The following PABPC4L variants were observed in gnomAD, a reference collection of about 807,000 sequenced individuals.
PABPC4L encodes the protein poly(A) binding protein cytoplasmic 4 like, also known as polyadenylate-binding protein 4-like.
For synonymous variants in PABPC4L, 169 were observed against 164.1 expected (o/e 1.03, Z -0.23); for missense variants, 452 against 451.4 (o/e 1.00, Z -0.01).
At chr4:134,164,581 C>T in the PABPC4L span, among the ~76,000 whole-genome samples, 3 of 152,020 alleles carry the variant, frequency 2.0e-5, no homozygotes, top group African/African-American at 7.2e-5. Flanking sequence ...TGTGAAAGAT[C>T]ATTACAAGGA....
chr4:134,199,911 T>C lies in PABPC4L; in HGVS notation c.1109A>G (p.His370Arg), dbSNP rs11099273. The change falls in exon 2 of 2, where the codon CAC (histidine) becomes CGC (arginine). Residue 370 changes from histidine to arginine, a missense_variant. Physicochemically the swap from His to Arg is conservative, Grantham distance 29 (BLOSUM62 0). Coordinates refer to ENST00000421491, the MANE Select transcript of PABPC4L (RefSeq NM_001114734.2). ...KPLSIALAQRH is the reference protein window; with the variant it reads ...KPLSIALAQRR Reference sequence around the variant, plus strand: ...GGAAAGGTACGTTTTTCTTTCCTAGTGTCTCTGGGCCAAGGCAATGCTAAG... The same window carrying C: ...GGAAAGGTACGTTTTTCTTTCCTAGCGTCTCTGGGCCAAGGCAATGCTAAG... 2 of 1,550,742 alleles carry C rather than the reference T, an allele frequency of 1.3e-6. No homozygotes were observed. Among genetic ancestry groups the C allele is most frequent in the Non-Finnish European group, 1.7e-6 (2 of 1,146,738 alleles).
At chr4:134,162,422 C>T in the PABPC4L span, among the ~76,000 whole-genome samples, 3,411 of 152,084 alleles carry the variant, frequency 0.022, 130 homozygotes, top group African/African-American at 0.078. Flanking sequence ...TAATAGGGGA[C>T]ATCAACACTC....
At chr4:134,087,130 C>T in the PABPC4L span, among the ~76,000 whole-genome samples, 85 of 152,124 alleles carry the variant, frequency 5.6e-4, no homozygotes, top group Admixed American at 4.6e-3. Context: ...CACATGCACA[C>T]GTATGTTTAT....
the PABPC4L span, among the ~76,000 whole-genome samples, chr4:133,949,336 G>A: frequency 6.6e-6 from 1 of 152,072 alleles, no homozygotes; most frequent in East Asian, 1.9e-4. Flanking sequence ...TCAAACTTTA[G>A]GGTCTCAGGG....
chr4:134,121,531 T>G, the PABPC4L span, among the ~76,000 whole-genome samples: 1 of 151,720 alleles, frequency 6.6e-6, no homozygotes. Context: ...ACTACTTTAT[T>G]AGAAGCTATC....
At chr4:134,174,713 C>T in the PABPC4L span, among the ~76,000 whole-genome samples, 1 of 152,114 alleles carries the variant, frequency 6.6e-6, no homozygotes. Context: ...GCATTATCTA[C>T]GTAAGTATTC....
chr4:134,051,110 A>C, the PABPC4L span, among the ~76,000 whole-genome samples: 1 of 152,180 alleles, frequency 6.6e-6, no homozygotes, highest in Non-Finnish European at 1.5e-5. Flanking sequence ...AGTTGATAAC[A>C]ACATGCTATC....
the PABPC4L span, among the ~76,000 whole-genome samples, chr4:134,079,701 G>C: frequency 6.6e-6 from 1 of 150,456 alleles, no homozygotes; most frequent in Non-Finnish European, 1.5e-5. Flanking sequence ...GTGTGTGAGA[G>C]AGAGAGAGAG....
At chr4:134,190,950 C>A in the PABPC4L span, among the ~76,000 whole-genome samples, 14 of 152,198 alleles carry the variant, frequency 9.2e-5, no homozygotes, top group African/African-American at 3.4e-4. Flanking sequence ...CTGCACTCAG[C>A]CTCAATTCAA....
chr4:133,955,784 G>T, the PABPC4L span, among the ~76,000 whole-genome samples: 1 of 152,196 alleles, frequency 6.6e-6, no homozygotes, highest in South Asian at 2.1e-4. Context: ...TGTATTTTTA[G>T]GACACAAAGA....
the PABPC4L span, among the ~76,000 whole-genome samples, chr4:133,970,393 A>T: frequency 2.0e-4 from 30 of 152,118 alleles, no homozygotes; most frequent in African/African-American, 7.0e-4. Context: ...ATCCACAATT[A>T]TATCTTAAAA....
chr4:134,084,319 T>A, the PABPC4L span, among the ~76,000 whole-genome samples: 2 of 152,134 alleles, frequency 1.3e-5, no homozygotes, highest in African/African-American at 4.8e-5. Flanking sequence ...GGTGCTGGGT[T>A]ACAGATGTCA....
chr4:134,096,983 A>G, the PABPC4L span, among the ~76,000 whole-genome samples: 11,187 of 151,986 alleles, frequency 0.074, 546 homozygotes, highest in South Asian at 0.12. Flanking sequence ...ATGGATGCTT[A>G]AAACATCAGA....
At chr4:133,949,615 T>C in the PABPC4L span, among the ~76,000 whole-genome samples, 1 of 152,138 alleles carries the variant, frequency 6.6e-6, no homozygotes, top group African/African-American at 2.4e-5. Context: ...TTGACCCGAG[T>C]ATAATGAGTA....
At chr4:134,113,656 T>C in the PABPC4L span, among the ~76,000 whole-genome samples, 3 of 151,856 alleles carry the variant, frequency 2.0e-5, no homozygotes, top group African/African-American at 2.4e-5. Flanking sequence ...ATACCAGATA[T>C]AGTAAACATT....
downstream of PABPC4L, among the ~76,000 whole-genome samples, chr4:134,194,008 T>C (rs1729585876): frequency 6.6e-6 from 1 of 151,888 alleles, no homozygotes; most frequent in Admixed American, 6.6e-5. Flanking sequence ...AGGCGATATA[T>C]TGGCTTAGTA....
At chr4:134,187,549 G>A in the PABPC4L span, among the ~76,000 whole-genome samples, 4 of 123,890 alleles carry the variant, frequency 3.2e-5, no homozygotes, top group Non-Finnish European at 5.0e-5. Context: ...GTCGTGGGGT[G>A]GGGGGAGGGA....
At chr4:134,091,306 T>G in the PABPC4L span, among the ~76,000 whole-genome samples, 1 of 152,018 alleles carries the variant, frequency 6.6e-6, no homozygotes, top group African/African-American at 2.4e-5. Flanking sequence ...GGCAGTTTTT[T>G]TTTTATACGA....
chr4:134,062,305 A>T, the PABPC4L span, among the ~76,000 whole-genome samples: 1 of 152,040 alleles, frequency 6.6e-6, no homozygotes, highest in South Asian at 2.1e-4. Context: ...TGAGACTCGC[A>T]GGTCAGTATA....
Sources: allele counts gnomAD v4.1 joint callset (sites outside exome capture counted in the v4.1 genomes callset), GRCh38; gene constraint gnomAD v4.1.1; transcripts MANE v1.5; gene names NCBI Gene and HGNC (gene_info 2026-07-23, HGNC 2026-07-21).